The following KDM4A variants were observed in gnomAD, a reference collection of about 807,000 sequenced individuals.
KDM4A encodes lysine-specific demethylase 4A.
A neutral mutation model predicts 127.1 loss-of-function variants in KDM4A; 23 were observed. The observed-to-expected ratio is 0.18, with a 90% CI of 0.13 to 0.26. The LOEUF (loss-of-function observed/expected upper bound fraction) is 0.26. Ranked by LOEUF, KDM4A falls within the 10% of genes least tolerant of loss-of-function variation. The probability of loss-of-function intolerance (pLI) is 1.00; values close to 1 mark genes in which losing one functional copy is unlikely to be tolerated. For synonymous variants in KDM4A, 443 were observed against 466.5 expected (o/e 0.95, Z 0.65); for missense variants, 890 against 1,329.1 (o/e 0.67, Z 5.14).
intron 4 of KDM4A, among the ~76,000 whole-genome samples, chr1:43,662,594 G>A (rs1053642907): frequency 1.3e-5 from 2 of 152,166 alleles, no homozygotes; most frequent in African/African-American, 2.4e-5. Context: ...GCAACAGAGC[G>A]AGACTCCGTC....
At chr1:43,657,353 C>G (rs1660267917) in intron 3 of KDM4A, among the ~76,000 whole-genome samples, 1 of 152,126 alleles carries the variant, frequency 6.6e-6, no homozygotes, top group South Asian at 2.1e-4. Flanking sequence ...CAGGCGCCCA[C>G]CACCACACCT....
In KDM4A at chr1:43,656,476, T is replaced by C. The variant is rs112281308; in HGVS notation, c.314+710T>C. On this transcript the variant is annotated intron_variant, in intron 3 of 21. Coordinates refer to ENST00000372396, the MANE Select transcript of KDM4A (RefSeq NM_014663.3). ...CCTCAGCCTCCCAAGTAGCTGGGAC[T>C]ACAGGCACGCGCCACCATGCTTGGC... 2.5e-3 allele frequency among the ~76,000 whole-genome samples: 384 copies of C among 151,634 alleles called. 4 individuals carry two copies. The highest frequency in any genetic ancestry group is 8.5e-3 in the African/African-American group (351 of 41,342).
At chr1:43,704,196 G>A (rs758055352) in intron 21 of KDM4A, 34 bp from the exon 22 acceptor site, 6 of 1,613,934 alleles carry the variant, frequency 3.7e-6, no homozygotes, top group Non-Finnish European at 4.2e-6. Flanking sequence ...TGTTCCTGGG[G>A]TAGCTGACAC....
rs930935932 is a variant in KDM4A, at chr1:43,656,500, G to A, written c.314+734G>A. Among the ~76,000 whole-genome samples, 3 of 151,412 alleles carry A rather than the reference G, an allele frequency of 2.0e-5. No homozygotes were observed. In the East Asian group the frequency reaches 5.9e-4, roughly 30 times the overall value. On this transcript the variant is annotated intron_variant, in intron 3 of 21. Coordinates refer to ENST00000372396, the MANE Select transcript of KDM4A (RefSeq NM_014663.3). The stretch of plus-strand genomic sequence containing the variant: ...CTACAGGCACGCGCCACCATGCTTG[G>A]CTATTTTTTGTATTTTCAGTAGAGA...
chr1:43,684,672 T>G (rs1012395590), intron 12 of KDM4A, among the ~76,000 whole-genome samples: 5 of 152,126 alleles, frequency 3.3e-5, no homozygotes, highest in South Asian at 2.1e-4. Flanking sequence ...AGATCCTGGA[T>G]AGCGTTATCA....
Position 43,683,057 on chromosome 1 carries a change from CA to C in KDM4A, c.1735-625del, listed in dbSNP as rs202017474. On this transcript the variant is annotated intron_variant, in intron 11 of 21. Transcript: ENST00000372396. ...AGTCTTAAATCAACCTTTCCCTTTG[CA>C]AGCCAGGCCAGAGTTTCAGATGCAC... 8.4e-3 allele frequency among the ~76,000 whole-genome samples: 1,273 copies of C among 152,370 alleles called. 13 individuals carry two copies. Among genetic ancestry groups the C allele is most frequent in the African/African-American group, 0.029 (1,210 of 41,574 alleles).
At position 43,658,827 on chromosome 1, in the gene KDM4A, G is replaced by A. The variant is rs137947171; in HGVS notation, c.315-1471G>A. Among the ~76,000 whole-genome samples, 370 of 151,962 alleles carry A rather than the reference G, an allele frequency of 2.4e-3. 1 individual carries two copies. Among genetic ancestry groups the A allele is most frequent in the African/African-American group, 8.4e-3 (350 of 41,464 alleles). ...AGCTCTGCTAATTTTTAAAGTTTTT[G>A]TAGAAATAGGATTTTGCCATGTTGC... On this transcript the variant is annotated intron_variant, in intron 3 of 21. Coordinates refer to ENST00000372396, the MANE Select transcript of KDM4A (RefSeq NM_014663.3).
intron 18 of KDM4A, among the ~76,000 whole-genome samples, 165 bp from the exon 19 acceptor site, chr1:43,697,678 G>C (rs374956018): frequency 6.6e-6 from 1 of 152,018 alleles, no homozygotes; most frequent in Non-Finnish European, 1.5e-5. Context: ...TGGGATGGTG[G>C]GTATCTGGAA....
chr1:43,703,972 GAA>G, intron 20 of KDM4A, 46 bp from the exon 21 acceptor site: 1 of 1,533,078 alleles, frequency 6.5e-7, no homozygotes, highest in Non-Finnish European at 9.0e-7. Context: ...GTGGACCAGG[GAA>G]AGAGTCAGGG....
intron 11 of KDM4A, 128 bp from the exon 12 acceptor site, chr1:43,683,556 C>T (rs1214627190): frequency 9.2e-7 from 1 of 1,083,046 alleles, no homozygotes; most frequent in African/African-American, 1.6e-5. Context: ...TAGGTATTTT[C>T]TGTTTGGTAT....
intron 14 of KDM4A, 105 bp downstream of exon 14, chr1:43,691,154 T>C: frequency 2.6e-6 from 3 of 1,171,706 alleles, no homozygotes; most frequent in Non-Finnish European, 3.8e-6. Flanking sequence ...AGATTGTTGA[T>C]GTTTTATTGG....
At chr1:43,701,563 T>C (rs1661394803) in intron 19 of KDM4A, among the ~76,000 whole-genome samples, 1 of 152,202 alleles carries the variant, frequency 6.6e-6, no homozygotes, top group Non-Finnish European at 1.5e-5. Flanking sequence ...GGCATGGTCA[T>C]GGCTCACTGC....
Position 43,686,976 on chromosome 1 carries a change from ACTTTTGGC to A in KDM4A, c.1856-1937_1856-1930del, listed in dbSNP as rs540148543. 6.4e-3 allele frequency among the ~76,000 whole-genome samples: 968 copies of A among 152,266 alleles called. 5 individuals are homozygous for A. The highest frequency in any genetic ancestry group is 7.4e-3 in the Non-Finnish European group (502 of 68,024). On this transcript the variant is annotated intron_variant, in intron 12 of 21. Transcript: ENST00000372396. ...TTCACAAATGGAATGATCTGGGGCC[ACTTTTGGC>A]TTTGTAAATGGAACAGATGTCAGTG...
At position 43,666,499 on chromosome 1, in the gene KDM4A, A is replaced by G; in HGVS notation, c.721A>G (p.Lys241Glu). 6.2e-7 allele frequency: 1 copy of G among 1,614,236 alleles called. No homozygotes were observed. Among genetic ancestry groups the G allele is most frequent in the Non-Finnish European group, 8.5e-7 (1 of 1,180,038 alleles). Residue 241 changes from lysine (K) to glutamate (E), a missense_variant, in exon 7 of 22, where the codon AAG (lysine) becomes GAG (glutamate). This residue lies in a region of KDM4A where 141 missense variants were observed against 273.5 expected (regional missense o/e 0.52). Coordinates refer to ENST00000372396, the MANE Select transcript of KDM4A (RefSeq NM_014663.3). ...AQSCEAFLRH[K>E]MTLISPLMLK... ...AAGCTGTGAGGCATTTCTCCGCCAC[A>G]AGATGACCCTGATTTCCCCGTTAAT...
At chr1:43,676,125 C>A (rs1423728852) in intron 11 of KDM4A, among the ~76,000 whole-genome samples, 1 of 147,932 alleles carries the variant, frequency 6.8e-6, no homozygotes, top group East Asian at 2.0e-4. Flanking sequence ...GAAATGCACA[C>A]ACAAAGATTC....
chr1:43,664,274 C>T (rs1280954899), intron 5 of KDM4A, among the ~76,000 whole-genome samples: 1 of 152,130 alleles, frequency 6.6e-6, no homozygotes, highest in Non-Finnish European at 1.5e-5. Context: ...TGGATTAAGA[C>T]AGCACATGAG....
intron 8 of KDM4A, 79 bp from the exon 9 acceptor site, chr1:43,667,693 A>T: frequency 6.4e-7 from 1 of 1,571,572 alleles, no homozygotes; most frequent in Non-Finnish European, 8.7e-7. Flanking sequence ...TTCCATGTGG[A>T]GGGAGGAGCT....
At position 43,689,074 on chromosome 1, in the gene KDM4A, G is replaced by A; in HGVS notation, c.2016G>A (p.Met672Ile). ...AQQAPHCAVC[M>I]IFQTYHQVEF... is the part of the protein sequence containing the mutation. Reference sequence around the variant, plus strand: ...AGGCCCCTCACTGCGCTGTCTGTATGATCTTCCAGACTTATCATCAGGTAA... The same window carrying A: ...AGGCCCCTCACTGCGCTGTCTGTATAATCTTCCAGACTTATCATCAGGTAA... Residue 672 changes from methionine to isoleucine, a missense_variant, in exon 13 of 22, where the codon ATG becomes ATA. This residue lies in a region of KDM4A where 389 missense variants were observed against 485.9 expected (regional missense o/e 0.80). Coordinates refer to ENST00000372396, the MANE Select transcript of KDM4A (RefSeq NM_014663.3). 2 of 1,614,152 alleles carry A rather than the reference G, an allele frequency of 1.2e-6. No homozygotes were observed. The highest frequency in any genetic ancestry group is 1.7e-6 in the Non-Finnish European group (2 of 1,180,020).
intron 4 of KDM4A, among the ~76,000 whole-genome samples, chr1:43,661,235 A>G (rs1660369040): frequency 6.6e-6 from 1 of 151,856 alleles, no homozygotes; most frequent in Non-Finnish European, 1.5e-5. Context: ...TCAGCCTCCC[A>G]AAGTGCTAGA....
Sources: gnomAD v4.1 joint callset for allele counts (sites outside exome capture counted in the v4.1 genomes callset) on GRCh38, gnomAD v4.1.1 for gene constraint, gnomAD v4.1.1 regional missense constraint, MANE v1.5 for transcripts, NCBI Gene and HGNC (gene_info 2026-07-23, HGNC 2026-07-21) for gene names.